Variants in NUGGC observed in about 807,000 individuals in gnomAD.
NUGGC encodes the protein nuclear GTPase, germinal center associated.
Under a neutral mutation model 92.6 loss-of-function variants are expected in NUGGC, and 58 were observed. The observed-to-expected ratio is 0.63, with a 90% CI of 0.51 to 0.78. The LOEUF (loss-of-function observed/expected upper bound fraction) is 0.78, where lower values mean the gene tolerates loss of function less well. Ranked by LOEUF, NUGGC falls within the 30% of genes least tolerant of loss-of-function variation. The pLI, the probability that NUGGC is intolerant of heterozygous loss-of-function variation, is 0.00. For missense variants in NUGGC, 925 were observed against 964.6 expected (o/e 0.96, Z 0.54); for synonymous variants, 376 against 366.4 (o/e 1.03, Z -0.30).
At chr8:28,065,150 ATCT>A (rs1253545753) in intron 6 of NUGGC, among the ~76,000 whole-genome samples, 8 of 132,210 alleles carry the variant, frequency 6.1e-5, no homozygotes, top group African/African-American at 2.0e-4. Flanking sequence ...CTGAAATTGG[ATCT>A]TTTTTTTTTT....
rs776082924 is a variant in NUGGC, at chr8:28,067,619, C to A, written c.606G>T (p.Met202Ile). The A allele has an allele frequency of 3.7e-6, 6 of 1,614,038 alleles. No individual in the cohort carries two copies. The highest frequency in any genetic ancestry group is 1.3e-5 in the African/African-American group (1 of 75,080). Residue 202 changes from methionine to isoleucine, a missense_variant, in exon 6 of 19, where the codon ATG (methionine) becomes ATT (isoleucine). Met to Ile is a conservative substitution (Grantham distance 10). Coordinates refer to ENST00000413272, the MANE Select transcript of NUGGC (RefSeq NM_001010906.2). ...AVEEATWKLQ[M>I]IYGNGAESKN... ...TACTCTCTGCCCCATTTCCATAAAT[C>A]ATTTGTAGCTTCCAGGTGGCTTCCT...
intron 2 of NUGGC, among the ~76,000 whole-genome samples, chr8:28,073,114 G>C (rs555419694): frequency 1.3e-5 from 2 of 150,242 alleles, no homozygotes; most frequent in African/African-American, 4.9e-5. Flanking sequence ...GCAATCCTCC[G>C]ACCTCAGCTC....
chr8:28,027,317 G>T (rs561105472), intron 17 of NUGGC, among the ~76,000 whole-genome samples: 40 of 152,276 alleles, frequency 2.6e-4, no homozygotes, highest in African/African-American at 9.1e-4. Context: ...CTGCAGCTCT[G>T]GTGCCAGCTG....
chr8:28,040,839 G>T (rs941014912), intron 13 of NUGGC, among the ~76,000 whole-genome samples: 1 of 152,108 alleles, frequency 6.6e-6, no homozygotes, highest in African/African-American at 2.4e-5. Context: ...TAGAGACGGG[G>T]TTTCACCATG....
intron 2 of NUGGC, among the ~76,000 whole-genome samples, chr8:28,073,302 ACCATTG>A (rs555502854): frequency 1.3e-5 from 2 of 151,190 alleles, no homozygotes; most frequent in Non-Finnish European, 2.9e-5. Context: ...CATGATTCAG[ACCATTG>A]CCAGAAACTG....
At position 28,029,916 on chromosome 8, in the gene NUGGC, C is replaced by T. The variant is rs893040294; in HGVS notation, c.2017+394G>A. 4.6e-5 allele frequency among the ~76,000 whole-genome samples: 7 copies of T among 152,070 alleles called. No homozygotes were observed. In the East Asian group the frequency reaches 1.2e-3, roughly 25 times the overall value. On this transcript the variant is annotated intron_variant, in intron 16 of 18. Coordinates refer to ENST00000413272, the MANE Select transcript of NUGGC (RefSeq NM_001010906.2). The stretch of plus-strand genomic sequence containing the variant: ...ACCTAATGACTGAATTAAGCTGAAA[C>T]TTGCAAAATCACTCCCTACCCCTCA...
chr8:28,078,168 T>A (rs911149546), intron 1 of NUGGC, among the ~76,000 whole-genome samples: 4 of 152,194 alleles, frequency 2.6e-5, no homozygotes, highest in African/African-American at 9.7e-5. Flanking sequence ...TACAAGTAAT[T>A]TGTGAACTCT....
chr8:28,068,747 A>G (rs1157961045), intron 4 of NUGGC, among the ~76,000 whole-genome samples: 1 of 151,884 alleles, frequency 6.6e-6, no homozygotes, highest in Non-Finnish European at 1.5e-5. Flanking sequence ...TTGTTTGTTT[A>G]TGTGTCTGAG....
At position 28,083,932 on chromosome 8, in the gene NUGGC, G is replaced by A. The variant is rs751561348; in HGVS notation, c.-204C>T. ...ATCACAAAGCCACGTTTACACAGCAGAAGTGAAACCAACTTGCCATCAGGG... is the reference window on the plus strand; with the variant it reads ...ATCACAAAGCCACGTTTACACAGCAAAAGTGAAACCAACTTGCCATCAGGG... On this transcript the variant is annotated 5_prime_UTR_variant, in exon 1 of 19. Transcript: ENST00000413272. The A allele has an allele frequency of 3.3e-5, 5 of 152,164 alleles. No individual in the cohort carries two copies. Among genetic ancestry groups the A allele is most frequent in the Non-Finnish European group, 7.3e-5 (5 of 68,036 alleles). The allele number at this position is 152,164 out of a possible 1,614,324, so 9.4% of individuals were successfully genotyped here.
At chr8:28,066,747 T>A (rs1222668246) in intron 6 of NUGGC, among the ~76,000 whole-genome samples, 11 of 152,224 alleles carry the variant, frequency 7.2e-5, no homozygotes, top group Admixed American at 6.5e-4. Context: ...AAAGCAAGAA[T>A]ATCATTCTAC....
In NUGGC at chr8:28,077,234, T is replaced by C. The variant is rs142424330; in HGVS notation, c.-46-2778A>G. Among the ~76,000 whole-genome samples the C allele has an allele frequency of 2.0e-3, 297 of 152,174 alleles. 1 individual carries two copies. The highest frequency in any genetic ancestry group is 7.0e-3 in the African/African-American group (290 of 41,502). On this transcript the variant is annotated intron_variant, in intron 1 of 18. Coordinates refer to ENST00000413272, the MANE Select transcript of NUGGC (RefSeq NM_001010906.2). ...AAGAAAAAAAAAGGTAGATGGGCTA[T>C]AACATGAGTAAATATACCATAATGC...
intron 2 of NUGGC, among the ~76,000 whole-genome samples, chr8:28,072,152 C>T (rs188790490): frequency 3.9e-4 from 60 of 152,346 alleles, no homozygotes; most frequent in African/African-American, 1.0e-3. Context: ...TCATGCTCCA[C>T]GCTCAAGCCA....
chr8:28,053,234 G>T (rs780631265), intron 10 of NUGGC, among the ~76,000 whole-genome samples: 8 of 152,166 alleles, frequency 5.3e-5, no homozygotes, highest in Non-Finnish European at 1.2e-4. Flanking sequence ...CCAAGCAGGA[G>T]AATTGCTTGA....
Position 28,033,624 on chromosome 8 carries a change from C to T in NUGGC, c.1685G>A (p.Arg562Lys). ...ATTTAGATCAATTCTCGCCAGAGTC[C>T]TGGAGGCATAGATGCCATTTTTCAG... ...VCLKNGIYAS[R>K]TLARIDLNEA... The change falls in exon 14 of 19, where the codon AGG (arginine) becomes AAG (lysine). Residue 562 changes from arginine (R) to lysine (K), a missense_variant. Coordinates refer to ENST00000413272, the MANE Select transcript of NUGGC (RefSeq NM_001010906.2). 13 of 1,614,012 alleles carry T rather than the reference C, an allele frequency of 8.1e-6. No individual in the cohort carries two copies. The highest frequency in any genetic ancestry group is 1.1e-5 in the Non-Finnish European group (13 of 1,179,866).
At chr8:28,059,439 AT>A (rs1810236776) in intron 8 of NUGGC, among the ~76,000 whole-genome samples, 1 of 152,216 alleles carries the variant, frequency 6.6e-6, no homozygotes, top group Non-Finnish European at 1.5e-5. Context: ...CATACCTTTC[AT>A]TGTAATTTGT....
intron 7 of NUGGC, among the ~76,000 whole-genome samples, chr8:28,060,981 C>T (rs1239628346): frequency 3.9e-4 from 60 of 152,192 alleles, no homozygotes; most frequent in Admixed American, 3.9e-3. Flanking sequence ...CTCTTGGGAT[C>T]CACCTCACCT....
chr8:28,070,460 G>A, intron 2 of NUGGC, 104 bp from the exon 3 acceptor site: 1 of 619,218 alleles, frequency 1.6e-6, no homozygotes, highest in East Asian at 2.9e-5. Context: ...AGACTGGCTG[G>A]GTGCAGTGGC....
At chr8:28,073,164 G>A (rs1810632721) in intron 2 of NUGGC, among the ~76,000 whole-genome samples, 1 of 136,982 alleles carries the variant, frequency 7.3e-6, no homozygotes, top group Non-Finnish European at 1.5e-5. Context: ...ACCACGCCTG[G>A]CTAATTTTTT....
At position 28,044,809 on chromosome 8, in the gene NUGGC, G is replaced by T. The variant is rs564338415; in HGVS notation, c.1446+718C>A. On this transcript the variant is annotated intron_variant, in intron 12 of 18. Coordinates refer to ENST00000413272, the MANE Select transcript of NUGGC (RefSeq NM_001010906.2). Reference sequence around the variant, plus strand: ...GAGATCTATTTTTACACACGGTCCAGCAATTGTCTTTGCATATTCTATCTC... The same window carrying T: ...GAGATCTATTTTTACACACGGTCCATCAATTGTCTTTGCATATTCTATCTC... Among the ~76,000 whole-genome samples, 15 of 152,282 alleles carry T rather than the reference G, an allele frequency of 9.9e-5. 1 individual carries two copies. The South Asian group carries it at 3.1e-3, about 32-fold the overall frequency.
Sources: gnomAD v4.1 joint callset for allele counts (sites outside exome capture counted in the v4.1 genomes callset) on GRCh38, gnomAD v4.1.1 for gene constraint, MANE v1.5 for transcripts, NCBI Gene and HGNC (gene_info 2026-07-23, HGNC 2026-07-21) for gene names.